IL26: variants seen among roughly 807,000 people sequenced by gnomAD.
IL26 encodes interleukin-26.
A neutral mutation model predicts 21.7 loss-of-function variants in IL26; 23 were observed. That is an observed-to-expected ratio of 1.06 (90% CI 0.76 to 1.50). IL26 has a LOEUF of 1.50. Ranked by LOEUF, IL26 falls within the 40% of genes most tolerant of loss-of-function variation. The pLI, the probability that IL26 is intolerant of heterozygous loss-of-function variation, is 0.00. For synonymous variants in IL26, 63 were observed against 67.8 expected (o/e 0.93, Z 0.34); for missense variants, 204 against 196.0 (o/e 1.04, Z -0.24).
chr12:68,220,889 G>T (rs868318637), intron 3 of IL26, among the ~76,000 whole-genome samples: 2 of 152,136 alleles, frequency 1.3e-5, no homozygotes, highest in East Asian at 1.9e-4. Context: ...CACCCATCTC[G>T]GCCTCCCAAA....
At chr12:68,219,740 A>T (rs1868994932) in intron 3 of IL26, among the ~76,000 whole-genome samples, 1 of 151,914 alleles carries the variant, frequency 6.6e-6, no homozygotes. Flanking sequence ...ACTGAAATAA[A>T]AACAGAAAAG....
chr12:68,223,803 T>TA (rs11570984), intron 3 of IL26, among the ~76,000 whole-genome samples: 96 of 147,950 alleles, frequency 6.5e-4, no homozygotes, highest in African/African-American at 2.2e-3. Flanking sequence ...TGAGAGTTTA[T>TA]AAAAAAACAT....
intron 3 of IL26, among the ~76,000 whole-genome samples, chr12:68,203,578 C>G (rs936258977): frequency 6.6e-6 from 1 of 152,180 alleles, no homozygotes. Flanking sequence ...CATTTAGTCT[C>G]TAAATGTCCT....
intron 3 of IL26, among the ~76,000 whole-genome samples, chr12:68,210,549 T>C (rs11571037): frequency 6.6e-5 from 10 of 152,088 alleles, no homozygotes; most frequent in African/African-American, 2.2e-4. Flanking sequence ...ATTAGCCAAG[T>C]GTCTCTCTGC....
chr12:68,224,956 A>G (rs1435134740), intron 3 of IL26, among the ~76,000 whole-genome samples, 193 bp downstream of exon 3: 2 of 152,262 alleles, frequency 1.3e-5, no homozygotes, highest in Non-Finnish European at 2.9e-5. Context: ...TTAAGAAATA[A>G]TAAATAGCAG....
intron 3 of IL26, among the ~76,000 whole-genome samples, chr12:68,224,061 G>C (rs1352441079): frequency 6.9e-6 from 1 of 145,784 alleles, no homozygotes; most frequent in Non-Finnish European, 1.5e-5. Flanking sequence ...TAATGGCCCA[G>C]TGTTTAAGTC....
chr12:68,207,756 A>T (rs1466043141), intron 3 of IL26, among the ~76,000 whole-genome samples: 1 of 152,140 alleles, frequency 6.6e-6, no homozygotes, highest in Non-Finnish European at 1.5e-5. Context: ...TTGTTTACAA[A>T]CCAAATGGCT....
At position 68,202,067 on chromosome 12, in the gene IL26, G is replaced by C. The variant is rs1287354479; in HGVS notation, c.380C>G (p.Ser127Ter). 4 of 1,580,174 alleles carry C rather than the reference G, an allele frequency of 2.5e-6. No individual in the cohort carries two copies. The highest frequency in any genetic ancestry group is 8.6e-7 in the Non-Finnish European group (1 of 1,156,478). The change falls in exon 4 of 5, where the codon TCA (serine) becomes TGA (stop). Residue 127 changes from serine to a stop codon, truncating the protein, a stop_gained. Transcript: ENST00000229134. LOFTEE classifies it high-confidence loss of function. The part of the protein sequence containing the change: ...KLSHCISCAS[S>*]AREMKSITRM... The stretch of plus-strand genomic sequence containing the variant: ...GGTAATGGATTTCATCTCTCTAGCT[G>C]ATGAAGCACAGGAAATCTAAGAAAT...
At chr12:68,211,913 TGTC>T (rs1346593660) in intron 3 of IL26, among the ~76,000 whole-genome samples, 3 of 151,900 alleles carry the variant, frequency 2.0e-5, no homozygotes, top group Non-Finnish European at 4.4e-5. Context: ...TTTCTTTGGT[TGTC>T]TGTACTTTCG....
At chr12:68,203,243 G>A (rs1041930895) in intron 3 of IL26, among the ~76,000 whole-genome samples, 2 of 152,214 alleles carry the variant, frequency 1.3e-5, no homozygotes, top group Admixed American at 1.3e-4. Flanking sequence ...TCACCTGGGC[G>A]TCAAACAGGA....
chr12:68,201,744 T>C lies in IL26; in HGVS notation c.*101A>G. 2 of 712,066 alleles carry C rather than the reference T, an allele frequency of 2.8e-6. No homozygotes were observed. The highest frequency in any genetic ancestry group is 3.2e-5 in the Admixed American group (1 of 31,642). 44.1% of individuals were successfully genotyped at this position (712,066 alleles called of 1,614,324 possible). A position where few individuals can be genotyped will look rare whatever the true frequency, so the allele number is the denominator to read the frequency against. The stretch of plus-strand genomic sequence containing the variant: ...ATCACCTAACATGCCGTCAGTATTA[T>C]GTTAAAAAGTTTTTAAAAGAAATAG... On this transcript the variant is annotated 3_prime_UTR_variant, in exon 5 of 5. Coordinates refer to ENST00000229134, the MANE Select transcript of IL26 (RefSeq NM_018402.2).
At chr12:68,214,840 T>C (rs1228004834) in intron 3 of IL26, among the ~76,000 whole-genome samples, 3 of 151,950 alleles carry the variant, frequency 2.0e-5, no homozygotes, top group Non-Finnish European at 2.9e-5. Context: ...ATGTTATCAT[T>C]GATAGGTAAA....
intron 3 of IL26, among the ~76,000 whole-genome samples, chr12:68,211,005 T>C (rs1019439852): frequency 2.0e-5 from 3 of 152,230 alleles, no homozygotes; most frequent in Non-Finnish European, 4.4e-5. Flanking sequence ...GATGCATTCA[T>C]ATAATGTGTT....
chr12:68,220,422 A>G (rs1869013324), intron 3 of IL26, among the ~76,000 whole-genome samples: 1 of 152,192 alleles, frequency 6.6e-6, no homozygotes, highest in Non-Finnish European at 1.5e-5. Flanking sequence ...CATTGTTTCA[A>G]TTGTCCAAAA....
intron 3 of IL26, among the ~76,000 whole-genome samples, chr12:68,211,790 C>T (rs924249524): frequency 2.2e-4 from 34 of 152,080 alleles, no homozygotes; most frequent in Admixed American, 1.3e-4. Context: ...CCTTGTCAGA[C>T]GGATAGTTGC....
intron 3 of IL26, among the ~76,000 whole-genome samples, chr12:68,223,902 T>TC (rs1415372503): frequency 7.0e-6 from 1 of 143,294 alleles, no homozygotes; most frequent in African/African-American, 2.6e-5. Flanking sequence ...TTTTTTTTTT[T>TC]GCTTGTTTTT....
intron 3 of IL26, among the ~76,000 whole-genome samples, chr12:68,209,603 C>T (rs1255394876): frequency 1.3e-5 from 2 of 152,106 alleles, no homozygotes; most frequent in Non-Finnish European, 2.9e-5. Context: ...TCAGGGTAGC[C>T]TTCCACCCTT....
At chr12:68,217,188 A>T (rs908837785) in intron 3 of IL26, among the ~76,000 whole-genome samples, 2 of 152,224 alleles carry the variant, frequency 1.3e-5, no homozygotes, top group Admixed American at 1.3e-4. Context: ...GAATGTCACC[A>T]GAAGCAATGA....
At chr12:68,219,196 A>G (rs1201900657) in intron 3 of IL26, among the ~76,000 whole-genome samples, 2 of 152,090 alleles carry the variant, frequency 1.3e-5, no homozygotes, top group Admixed American at 1.3e-4. Flanking sequence ...ATTGAAATGT[A>G]TAAAATACTC....
Sources: allele counts gnomAD v4.1 joint callset (sites outside exome capture counted in the v4.1 genomes callset), GRCh38; gene constraint gnomAD v4.1.1; transcripts MANE v1.5; gene names NCBI Gene and HGNC (gene_info 2026-07-23, HGNC 2026-07-21).